Variants in FAM120A observed in about 807,000 individuals in gnomAD.
FAM120A encodes constitutive coactivator of PPAR-gamma-like protein 1.
FAM120A carries 15 observed loss-of-function variants against 109.7 expected under a neutral mutation model. That is an observed-to-expected ratio of 0.14 (90% CI 0.09 to 0.21). FAM120A has a LOEUF of 0.21. Ranked by LOEUF, FAM120A falls within the 10% of genes least tolerant of loss-of-function variation. FAM120A has a pLI of 1.00. For missense variants in FAM120A, 899 were observed against 1,439.3 expected (o/e 0.62, Z 6.07); for synonymous variants, 493 against 572.8 (o/e 0.86, Z 1.99).
chr9:93,528,833 A>G (rs1254131660), intron 8 of FAM120A, among the ~76,000 whole-genome samples: 1 of 152,180 alleles, frequency 6.6e-6, no homozygotes, highest in African/African-American at 2.4e-5. Flanking sequence ...TTTAAGTACC[A>G]GCTGTGGCAT....
chr9:93,533,455 C>T (rs1286711867), intron 10 of FAM120A, among the ~76,000 whole-genome samples: 2 of 152,156 alleles, frequency 1.3e-5, no homozygotes, highest in South Asian at 2.1e-4. Context: ...GCTCGCTCTG[C>T]AGGGCTGTGA....
In FAM120A at chr9:93,452,013, G is replaced by A; in HGVS notation, c.98G>A (p.Gly33Asp). 6.4e-7 allele frequency: 1 copy of A among 1,555,900 alleles called. No homozygotes were observed. Among genetic ancestry groups the A allele is most frequent in the African/African-American group, 1.4e-5 (1 of 73,644 alleles). The change falls in exon 1 of 18, where the codon GGC (glycine) becomes GAC (aspartate). Residue 33 changes from glycine to aspartate, a missense_variant. Around this residue, in one of 11 missense-constraint regions of FAM120A, gnomAD observed 258 missense variants for 451.4 expected, o/e 0.57. Coordinates refer to ENST00000277165, the MANE Select transcript of FAM120A (RefSeq NM_014612.5). This position sits in a 1 kb window ranked among gnomAD's most constrained non-coding sequence, Gnocchi z 7.0. The part of the protein sequence containing the change: ...LQKLARGSLV[G>D]GGRQRPPQTP... ...AAGCTGGCCCGGGGCAGCCTGGTGG[G>A]CGGCGGGCGGCAGCGGCCCCCGCAG... is the stretch of plus-strand genomic sequence containing the variant.
At chr9:93,469,902 G>C (rs1858233840) in intron 1 of FAM120A, among the ~76,000 whole-genome samples, 1 of 152,178 alleles carries the variant, frequency 6.6e-6, no homozygotes, top group Non-Finnish European at 1.5e-5. Context: ...TATTATGAAA[G>C]TTGGTGAGAA....
At chr9:93,509,245 A>G (rs894413797) in intron 5 of FAM120A, among the ~76,000 whole-genome samples, 7 of 152,242 alleles carry the variant, frequency 4.6e-5, no homozygotes, top group African/African-American at 1.4e-4. Context: ...ACCCACCTGG[A>G]CCCACCCAGT....
intron 10 of FAM120A, among the ~76,000 whole-genome samples, chr9:93,537,476 A>G (rs1259819044): frequency 6.6e-6 from 1 of 152,196 alleles, no homozygotes; most frequent in Non-Finnish European, 1.5e-5. Context: ...ATTTCCTACA[A>G]AAGTCTTCCC....
At chr9:93,519,648 G>A (rs568385659) in intron 7 of FAM120A, among the ~76,000 whole-genome samples, 20 of 152,196 alleles carry the variant, frequency 1.3e-4, no homozygotes, top group South Asian at 6.2e-4. Flanking sequence ...TCATTGTCCA[G>A]ACCTAACTTC....
rs763809818 is a variant in FAM120A, at chr9:93,452,607, G to C, written c.474+218G>C. ...GCCCGTCTCCAGCTGTCCCTGTTCG[G>C]GGTCCGCGGCCGCGTGGGGACACTT... is the stretch of plus-strand genomic sequence containing the variant. On this transcript the variant is annotated intron_variant, in intron 1 of 17. Transcript: ENST00000277165. This position sits in a 1 kb window ranked among gnomAD's most constrained non-coding sequence, Gnocchi z 7.0. 9 of 1,598,972 alleles carry C rather than the reference G, an allele frequency of 5.6e-6. No individual in the cohort carries two copies. The highest frequency in any genetic ancestry group is 7.6e-6 in the Non-Finnish European group (9 of 1,179,754).
chr9:93,480,412 C>T (rs947418284), intron 3 of FAM120A, among the ~76,000 whole-genome samples: 12 of 152,082 alleles, frequency 7.9e-5, no homozygotes, highest in African/African-American at 2.7e-4. Flanking sequence ...GGCTGGAGTG[C>T]GACCTCTGTC....
At chr9:93,459,721 T>C (rs1367306680) in intron 1 of FAM120A, among the ~76,000 whole-genome samples, 3 of 142,618 alleles carry the variant, frequency 2.1e-5, no homozygotes, top group Non-Finnish European at 3.0e-5. Context: ...CATTTGGCAG[T>C]GCCTGGAGGC....
At chr9:93,486,221 A>G (rs975930591) in intron 3 of FAM120A, among the ~76,000 whole-genome samples, 1 of 147,990 alleles carries the variant, frequency 6.8e-6, no homozygotes, top group Admixed American at 6.7e-5. Flanking sequence ...GCATCCTCCC[A>G]CCTCGGCCTC....
intron 13 of FAM120A, 80 bp from the exon 14 acceptor site, chr9:93,557,747 C>G (rs1167720704): frequency 7.3e-7 from 1 of 1,369,794 alleles, no homozygotes; most frequent in African/African-American, 1.4e-5. Context: ...GTTGATAGAT[C>G]TTATTTCTTT....
At chr9:93,492,180 GTA>G (rs370267515) in intron 3 of FAM120A, among the ~76,000 whole-genome samples, 1,628 of 149,826 alleles carry the variant, frequency 0.011, 20 homozygotes, top group East Asian at 0.068. Flanking sequence ...GTGTGTGTGT[GTA>G]TATATATATA....
chr9:93,453,342 G>T, intron 1 of FAM120A: 1 of 985,760 alleles, frequency 1.0e-6, no homozygotes, highest in Middle Eastern at 5.2e-4. Flanking sequence ...TCAGGACCCA[G>T]CAGTGACTGT....
At chr9:93,556,021 A>G (rs1267370190) in intron 12 of FAM120A, among the ~76,000 whole-genome samples, 2 of 152,116 alleles carry the variant, frequency 1.3e-5, no homozygotes, top group African/African-American at 4.8e-5. Context: ...GTGAAGTGTT[A>G]TTTTACGAAG....
chr9:93,545,188 G>T (rs1861836174), intron 11 of FAM120A, among the ~76,000 whole-genome samples: 1 of 152,162 alleles, frequency 6.6e-6, no homozygotes, highest in African/African-American at 2.4e-5. Flanking sequence ...CTTCCAAGTG[G>T]GGGATGGCAT....
chr9:93,557,281 C>T (rs1039126059), intron 13 of FAM120A, among the ~76,000 whole-genome samples: 1 of 152,048 alleles, frequency 6.6e-6, no homozygotes, highest in Non-Finnish European at 1.5e-5. Flanking sequence ...AGGTGCCTGC[C>T]ACCATGCCCA....
At chr9:93,497,708 A>T in intron 4 of FAM120A, 109 bp downstream of exon 4, 2 of 1,346,372 alleles carry the variant, frequency 1.5e-6, no homozygotes, top group African/African-American at 1.5e-5. Context: ...AGCTGACTGG[A>T]TGGGTCTGAG....
At chr9:93,521,602 G>A (rs991356712) in intron 7 of FAM120A, among the ~76,000 whole-genome samples, 1 of 151,018 alleles carries the variant, frequency 6.6e-6, no homozygotes, top group African/African-American at 2.4e-5. Flanking sequence ...AAAAAGGAAA[G>A]AAAGAAAAGG....
At chr9:93,469,321 TGTGTGAATCTA>T (rs1858203332) in intron 1 of FAM120A, among the ~76,000 whole-genome samples, 1 of 152,162 alleles carries the variant, frequency 6.6e-6, no homozygotes, top group Non-Finnish European at 1.5e-5. Flanking sequence ...CTTCCCAACA[TGTGTGAATCTA>T]AGGAACAAGC....
Sources: gnomAD v4.1 joint callset for allele counts (sites outside exome capture counted in the v4.1 genomes callset) on GRCh38, gnomAD v4.1.1 for gene constraint, gnomAD v4.1.1 regional missense constraint, Gnocchi (gnomAD v3.1) non-coding constraint, MANE v1.5 for transcripts, NCBI Gene and HGNC (gene_info 2026-07-23, HGNC 2026-07-21) for gene names.